RMST: variants seen among roughly 807,000 people sequenced by gnomAD.
The protein encoded by RMST is rhabdomyosarcoma 2 associated transcript.
chr12:97,508,753 C>T (rs1228583170), intron 10 of RMST, among the ~76,000 whole-genome samples: 2 of 151,738 alleles, frequency 1.3e-5, no homozygotes, highest in African/African-American at 4.8e-5. Flanking sequence ...ATTAATTTAC[C>T]CAGAGTAGGA....
chr12:97,543,161 G>A (rs1019730450), intron 11 of RMST, among the ~76,000 whole-genome samples: 64 of 152,100 alleles, frequency 4.2e-4, no homozygotes, highest in African/African-American at 1.5e-3. Flanking sequence ...TCATATGCTG[G>A]ATTATTTTTG....
At chr12:97,539,953 T>C (rs2136617700) in intron 11 of RMST, among the ~76,000 whole-genome samples, 1 of 151,804 alleles carries the variant, frequency 6.6e-6, no homozygotes, top group Admixed American at 6.6e-5. Context: ...CTAATTGGCA[T>C]GTGAGGGAGG....
At chr12:97,476,839 A>G (rs1874609639) in intron 5 of RMST, among the ~76,000 whole-genome samples, 2 of 152,208 alleles carry the variant, frequency 1.3e-5, no homozygotes, top group Admixed American at 6.6e-5. Context: ...AGAAAATACT[A>G]CTAAAGTCAT....
At chr12:97,529,438 C>T (rs551055083) in intron 10 of RMST, among the ~76,000 whole-genome samples, 1 of 152,022 alleles carries the variant, frequency 6.6e-6, no homozygotes, top group Non-Finnish European at 1.5e-5. Context: ...TGTTCGGCAG[C>T]CAAATATACA....
intron 11 of RMST, among the ~76,000 whole-genome samples, chr12:97,535,208 CTT>C (rs1045907530): frequency 6.6e-6 from 1 of 151,656 alleles, no homozygotes; most frequent in African/African-American, 2.4e-5. Context: ...CCAATGTTAA[CTT>C]TCCAACTTAA....
chr12:97,486,472 T>C (rs1876126496), intron 5 of RMST, among the ~76,000 whole-genome samples: 1 of 152,182 alleles, frequency 6.6e-6, no homozygotes, highest in Non-Finnish European at 1.5e-5. Context: ...TGTCTGAAAG[T>C]AGGGCTGATC....
At chr12:97,473,361 A>G (rs190802311) in intron 5 of RMST, among the ~76,000 whole-genome samples, 17 of 152,310 alleles carry the variant, frequency 1.1e-4, no homozygotes. Context: ...GAAGGTTTAT[A>G]GTAAAATACG....
chr12:97,524,742 T>TATTTGTTTCAAATAG (rs1880917116), intron 10 of RMST, among the ~76,000 whole-genome samples: 1 of 152,184 alleles, frequency 6.6e-6, no homozygotes, highest in Non-Finnish European at 1.5e-5. Flanking sequence ...GACTGGGAGC[T>TATTTGTTTCAAATAG]GAACTTTTTA....
chr12:97,528,545 T>C (rs1176415616), intron 10 of RMST, among the ~76,000 whole-genome samples: 1 of 152,122 alleles, frequency 6.6e-6, no homozygotes, highest in Admixed American at 6.6e-5. Context: ...ATCAAAGTCA[T>C]TTTCATAGGA....
chr12:97,549,166 A>G (rs1359744018), intron 11 of RMST, among the ~76,000 whole-genome samples: 1 of 152,196 alleles, frequency 6.6e-6, no homozygotes, highest in Non-Finnish European at 1.5e-5. Flanking sequence ...GTTCCATAAG[A>G]AGTTGAAATC....
At chr12:97,512,773 C>A (rs918245683) in intron 10 of RMST, among the ~76,000 whole-genome samples, 2 of 152,254 alleles carry the variant, frequency 1.3e-5, no homozygotes, top group African/African-American at 4.8e-5. Flanking sequence ...GCCAATCCCG[C>A]GCCCTGCGCC....
chr12:97,532,432 GTGAATAGAAATAAGTAGA>G (rs1315908998), intron 11 of RMST, among the ~76,000 whole-genome samples: 8 of 151,838 alleles, frequency 5.3e-5, no homozygotes, highest in Non-Finnish European at 8.8e-5. Flanking sequence ...AAATAAGTAG[GTGAATAGAAATAAGTAGA>G]TGAATAGAAA....
intron 11 of RMST, among the ~76,000 whole-genome samples, chr12:97,541,963 A>G (rs548787368): frequency 3.9e-5 from 6 of 152,072 alleles, no homozygotes; most frequent in Admixed American, 1.3e-4. Context: ...AATAATTACT[A>G]TATGCTTATT....
At chr12:97,466,405 A>G (rs149218062) in intron 5 of RMST, among the ~76,000 whole-genome samples, 3 of 152,266 alleles carry the variant, frequency 2.0e-5, no homozygotes, top group Admixed American at 6.5e-5. Context: ...AATATTTTAT[A>G]TAAGTGGTTA....
At position 97,501,413 on chromosome 12, in the gene RMST, A is replaced by G. The variant is rs144192471; in HGVS notation, n.1340+5357A>G. Among the ~76,000 whole-genome samples the G allele has an allele frequency of 1.9e-4, 29 of 152,346 alleles. No individual in the cohort carries two copies. In the East Asian group the frequency reaches 5.2e-3, roughly 27 times the overall value. ...TGTAACCTACATAACTGAGAAATGTAGACCATTGTAAATTAGCTTATTTGA... is the reference window on the plus strand; with the variant it reads ...TGTAACCTACATAACTGAGAAATGTGGACCATTGTAAATTAGCTTATTTGA... On this transcript the variant is annotated intron_variant and non_coding_transcript_variant, in intron 10 of 13. Transcript: ENST00000640149.
At chr12:97,505,707 T>G (rs1280239506) in intron 10 of RMST, among the ~76,000 whole-genome samples, 1 of 152,228 alleles carries the variant, frequency 6.6e-6, no homozygotes, top group African/African-American at 2.4e-5. Context: ...TTTTTATGTT[T>G]CTAGAGCTTT....
intron 5 of RMST, among the ~76,000 whole-genome samples, chr12:97,470,657 T>A (rs550079558): frequency 1.0e-3 from 157 of 152,226 alleles, no homozygotes; most frequent in Admixed American, 1.8e-3. Context: ...TGATATAGAA[T>A]GGACTTTCTG....
exon 14 of RMST, chr12:97,564,791 G>T (rs1018874452): frequency 1.8e-4 from 27 of 152,096 alleles, no homozygotes; most frequent in Non-Finnish European, 3.2e-4. Flanking sequence ...AGAAAGAAAA[G>T]ACTGCTTCAA....
At chr12:97,550,989 GA>G (rs1283690298) in intron 11 of RMST, among the ~76,000 whole-genome samples, 1 of 152,050 alleles carries the variant, frequency 6.6e-6, no homozygotes, top group Non-Finnish European at 1.5e-5. Flanking sequence ...TCGTAGAAGA[GA>G]ACACTTAACT....
Sources: allele counts gnomAD v4.1 joint callset (sites outside exome capture counted in the v4.1 genomes callset), GRCh38; gene constraint gnomAD v4.1.1; transcripts MANE v1.5; gene names NCBI Gene and HGNC (gene_info 2026-07-23, HGNC 2026-07-21).